The following SLC1A4 variants were observed in gnomAD, a reference collection of about 807,000 sequenced individuals.
SLC1A4 encodes the protein neutral amino acid transporter A.
Under a neutral mutation model 37.7 loss-of-function variants are expected in SLC1A4, and 19 were observed. The ratio of observed to expected loss-of-function variants is 0.50; its 90% CI spans 0.35 to 0.74. SLC1A4 has a LOEUF of 0.74. SLC1A4 is among the 30% of genes least tolerant of loss of function. The pLI is 0.01. For missense variants in SLC1A4, 570 were observed against 712.9 expected (o/e 0.80, Z 2.28); for synonymous variants, 299 against 309.8 (o/e 0.97, Z 0.37).
Position 65,018,822 on chromosome 2 carries a change from A to G in SLC1A4, c.1364+143A>G. On this transcript the variant is annotated intron_variant, in intron 7 of 7. Transcript: ENST00000234256. The surrounding 1 kb of genome is among the most constrained non-coding windows in gnomAD (Gnocchi z 4.3). ...AGGCTACAGTGGAGCTAAAAGGGCA[A>G]GATTTAGAGCTAGGAAAAATTAAAC... The G allele has an allele frequency of 1.1e-6, 1 of 926,430 alleles. No homozygotes were observed. Among genetic ancestry groups the G allele is most frequent in the Non-Finnish European group, 1.6e-6 (1 of 614,410 alleles). 57.4% of individuals were successfully genotyped at this position (926,430 alleles called of 1,614,324 possible).
chr2:64,998,600 T>A (rs1011396992), intron 1 of SLC1A4, among the ~76,000 whole-genome samples: 4 of 152,184 alleles, frequency 2.6e-5, no homozygotes, highest in Admixed American at 6.5e-5. Flanking sequence ...AGACTAGATA[T>A]TGTAGACAGT....
intron 2 of SLC1A4, among the ~76,000 whole-genome samples, chr2:65,002,839 G>A (rs1029646738): frequency 6.6e-6 from 1 of 152,198 alleles, no homozygotes; most frequent in African/African-American, 2.4e-5. Flanking sequence ...GCCTCCCAAA[G>A]TGCTGGGATT....
chr2:65,016,642 C>T lies in SLC1A4; in HGVS notation c.1003C>T (p.Pro335Ser). The T allele has an allele frequency of 6.2e-7, 1 of 1,614,170 alleles. No individual in the cohort carries two copies. The highest frequency in any genetic ancestry group is 8.5e-7 in the Non-Finnish European group (1 of 1,180,028). Residue 335 changes from proline (P) to serine (S), a missense_variant, in exon 5 of 8, where the codon CCA (proline) becomes TCA (serine). Transcript: ENST00000234256. ...PFRFLLGLLAPFATAFATCSS... is the reference protein window; with the variant it reads ...PFRFLLGLLASFATAFATCSS... Reference sequence around the variant, plus strand: ...CAGATTCCTCCTGGGCCTCCTCGCCCCATTTGCGACAGCATTTGCTACCTG... The same window carrying T: ...CAGATTCCTCCTGGGCCTCCTCGCCTCATTTGCGACAGCATTTGCTACCTG...
At chr2:65,005,310 C>T (rs1673632544) in intron 3 of SLC1A4, among the ~76,000 whole-genome samples, 1 of 152,212 alleles carries the variant, frequency 6.6e-6, no homozygotes, top group Admixed American at 6.5e-5. Flanking sequence ...TTATGACAAC[C>T]AAAGTGCCCA....
intron 2 of SLC1A4, among the ~76,000 whole-genome samples, chr2:65,002,986 TTTTTG>T (rs1453058692): frequency 2.6e-5 from 4 of 152,152 alleles, no homozygotes; most frequent in South Asian, 2.1e-4. Context: ...AAACCTCTCA[TTTTTG>T]TTTTGTTTTG....
At chr2:65,016,335 G>A in intron 4 of SLC1A4, 105 bp from the exon 5 acceptor site, 1 of 876,060 alleles carries the variant, frequency 1.1e-6, no homozygotes, top group Admixed American at 1.8e-5. Context: ...AGGGAGAGAT[G>A]AAGACGGCCT....
chr2:64,994,076 T>C (rs542376816), intron 1 of SLC1A4, among the ~76,000 whole-genome samples: 23 of 152,332 alleles, frequency 1.5e-4, no homozygotes, highest in Admixed American at 4.6e-4. Context: ...CCACATGGCA[T>C]CTGGAGGAGA....
rs142803009 is a variant in SLC1A4 at position 65,001,486 on chromosome 2, G to A, written c.566G>A (p.Arg189His). Residue 189 changes from arginine (R) to histidine (H), a missense_variant, in exon 2 of 8, where the codon CGT becomes CAT. By Grantham distance (29) the Arg-to-His change is conservative (BLOSUM62 0). Coordinates refer to ENST00000234256, the MANE Select transcript of SLC1A4 (RefSeq NM_003038.5). Reference sequence around the variant, plus strand: ...TCCAATCTTGTGGTTGCAGCTTTCCGTACGGTAAGGCTTGATACTTTGCTA... The same window carrying A: ...TCCAATCTTGTGGTTGCAGCTTTCCATACGGTAAGGCTTGATACTTTGCTA... ...FPSNLVVAAF[R>H]TYATDYKVVT... 2.2e-5 allele frequency: 36 copies of A among 1,613,224 alleles called. No individual in the cohort carries two copies. The highest frequency in any genetic ancestry group is 1.6e-4 in the Middle Eastern group (1 of 6,080).
At chr2:65,017,512 T>A (rs1489094487) in intron 5 of SLC1A4, among the ~76,000 whole-genome samples, 4 of 150,786 alleles carry the variant, frequency 2.7e-5, no homozygotes, top group Admixed American at 2.0e-4. Flanking sequence ...AAAAAAAAAA[T>A]TAGGGAAGGA....
chr2:65,013,465 G>A (rs1399897780), intron 4 of SLC1A4, among the ~76,000 whole-genome samples: 11 of 152,080 alleles, frequency 7.2e-5, no homozygotes, highest in African/African-American at 2.4e-4. Flanking sequence ...CAGGTGATCC[G>A]CCCACCTTGG....
chr2:65,005,878 C>G (rs986688576), intron 3 of SLC1A4, among the ~76,000 whole-genome samples: 18 of 151,946 alleles, frequency 1.2e-4, no homozygotes, highest in Non-Finnish European at 2.4e-4. Context: ...TGGCACATGT[C>G]CATAGTCTCA....
rs186116453 is a variant in SLC1A4 at position 65,016,851 on chromosome 2, G to A, written c.1034+178G>A. Among the ~76,000 whole-genome samples, 3 of 152,262 alleles carry A rather than the reference G, an allele frequency of 2.0e-5. No homozygotes were observed. In the East Asian group the frequency reaches 5.8e-4, roughly 29 times the overall value. Reference sequence around the variant, plus strand: ...TAAGAGACAGGATCTTCCCGTGATTGCCCAGGCTGGTCTCGAACTCCTGGG... The same window carrying A: ...TAAGAGACAGGATCTTCCCGTGATTACCCAGGCTGGTCTCGAACTCCTGGG... On this transcript the variant is annotated intron_variant, in intron 5 of 7. Transcript: ENST00000234256.
At position 64,998,202 on chromosome 2, in the gene SLC1A4, C is replaced by A. The variant is rs765548667; in HGVS notation, c.528-3246C>A. ...CAGTGAGCCGAGATCACGCCACTGC[C>A]CTCCAGCCTGGGAGACAGAGCGAGA... On this transcript the variant is annotated intron_variant, in intron 1 of 7. Coordinates refer to ENST00000234256, the MANE Select transcript of SLC1A4 (RefSeq NM_003038.5). 4.0e-4 allele frequency among the ~76,000 whole-genome samples: 60 copies of A among 151,566 alleles called. 1 individual carries two copies. Among genetic ancestry groups the A allele is most frequent in the South Asian group, 1.5e-3 (7 of 4,784 alleles).
chr2:64,991,531 G>C (rs1045870134), intron 1 of SLC1A4, among the ~76,000 whole-genome samples: 1 of 150,500 alleles, frequency 6.6e-6, no homozygotes, highest in Non-Finnish European at 1.5e-5. Context: ...AGGCTTCAGC[G>C]ATCCTCCTGC....
chr2:64,995,826 C>T (rs1440136892), intron 1 of SLC1A4, among the ~76,000 whole-genome samples: 2 of 152,172 alleles, frequency 1.3e-5, no homozygotes, highest in African/African-American at 4.8e-5. Context: ...GTTTTACATT[C>T]TTTTCATATA....
intron 4 of SLC1A4, among the ~76,000 whole-genome samples, chr2:65,016,172 T>A (rs910596712): frequency 1.3e-5 from 2 of 152,178 alleles, no homozygotes; most frequent in South Asian, 4.1e-4. Flanking sequence ...ATCCTTCTGT[T>A]AAGGACATAC....
intron 5 of SLC1A4, among the ~76,000 whole-genome samples, chr2:65,017,477 A>G (rs555653901): frequency 3.9e-5 from 6 of 152,014 alleles, no homozygotes; most frequent in African/African-American, 1.2e-4. Context: ...GGCTATTTAT[A>G]TAACACAGAG....
At position 65,021,183 on chromosome 2, in the gene SLC1A4, G is replaced by T; in HGVS notation, c.*37G>T. ...TTTGGGCTTGCCTGCCAGCAGTGAT[G>T]TCCCACCCTGTTCACCCAGCCGCCA... On this transcript the variant is annotated 3_prime_UTR_variant, in exon 8 of 8. Coordinates refer to ENST00000234256, the MANE Select transcript of SLC1A4 (RefSeq NM_003038.5). 6.5e-7 allele frequency: 1 copy of T among 1,532,060 alleles called. No individual in the cohort carries two copies. The allele number at this position is 1,532,060 out of a possible 1,614,324, so 94.9% of individuals were successfully genotyped here.
In SLC1A4 at chr2:65,018,048, C is replaced by T. The variant is rs777618733; in HGVS notation, c.1035-23C>T. 109 of 1,605,456 alleles carry T rather than the reference C, an allele frequency of 6.8e-5. 1 individual carries two copies. The East Asian group carries it at 8.7e-4, about 13-fold the overall frequency. ...TGCCTCGGACTGTTGTCATGTCTGG[C>T]GGTTTGTTTTTCCCATTTCTAGCTC... On this transcript the variant is annotated intron_variant, in intron 5 of 7. Transcript: ENST00000234256. This position sits in a 1 kb window ranked among gnomAD's most constrained non-coding sequence, Gnocchi z 4.3.
Sources: gnomAD v4.1 joint callset for allele counts (sites outside exome capture counted in the v4.1 genomes callset) on GRCh38, gnomAD v4.1.1 for gene constraint, Gnocchi (gnomAD v3.1) non-coding constraint, MANE v1.5 for transcripts, NCBI Gene and HGNC (gene_info 2026-07-23, HGNC 2026-07-21) for gene names.